Variants in UNC13C observed in about 807,000 individuals in gnomAD.
UNC13C encodes the protein unc-13 homolog C, also known as protein unc-13 homolog C.
A neutral mutation model predicts 245.4 loss-of-function variants in UNC13C; 174 were observed. That is an observed-to-expected ratio of 0.71 (90% CI 0.63 to 0.80). UNC13C has a LOEUF of 0.80. Among genes scored for constraint, UNC13C ranks in the 30% least tolerant of loss-of-function variants. The probability of loss-of-function intolerance (pLI) is 0.00; values close to 1 mark genes in which losing one functional copy is unlikely to be tolerated. For missense variants in UNC13C, 2,829 were observed against 2,602.9 expected (o/e 1.09, Z -1.89); for synonymous variants, 992 against 895.1 (o/e 1.11, Z -1.93).
At chr15:54,100,655 G>T (rs1465500790) in intron 2 of UNC13C, among the ~76,000 whole-genome samples, 3 of 151,808 alleles carry the variant, frequency 2.0e-5, no homozygotes, top group Non-Finnish European at 4.4e-5. Context: ...ACCTACGTGA[G>T]AGGTGTTGCA....
chr15:54,372,265 A>G (rs1023240621), intron 17 of UNC13C, among the ~76,000 whole-genome samples: 3 of 152,098 alleles, frequency 2.0e-5, no homozygotes, highest in Non-Finnish European at 4.4e-5. Flanking sequence ...ATATAGTAAT[A>G]TGTCATATCA....
At chr15:54,473,685 T>C (rs1416102964) in intron 19 of UNC13C, among the ~76,000 whole-genome samples, 1 of 152,014 alleles carries the variant, frequency 6.6e-6, no homozygotes, top group Non-Finnish European at 1.5e-5. Flanking sequence ...TACAGCTCAA[T>C]AGTATTCCAT....
At chr15:53,973,086 C>T in the UNC13C span, among the ~76,000 whole-genome samples, 13 of 152,054 alleles carry the variant, frequency 8.5e-5, no homozygotes, top group Non-Finnish European at 1.8e-4. Flanking sequence ...TGAACACATA[C>T]AGAAAACTGA....
chr15:54,195,347 C>T (rs2034319102), intron 4 of UNC13C, among the ~76,000 whole-genome samples: 1 of 152,138 alleles, frequency 6.6e-6, no homozygotes, highest in Admixed American at 6.6e-5. Flanking sequence ...CAAACACTGC[C>T]ATTCCAAGAC....
intron 17 of UNC13C, among the ~76,000 whole-genome samples, chr15:54,342,857 A>G (rs1243012951): frequency 6.6e-6 from 1 of 152,202 alleles, no homozygotes; most frequent in Admixed American, 6.5e-5. Context: ...GCAAAACAAT[A>G]TATAACCACA....
chr15:54,048,493 C>T (rs982103885), intron 2 of UNC13C: 5 of 602,304 alleles, frequency 8.3e-6, no homozygotes, highest in Admixed American at 1.9e-5. Flanking sequence ...TTTCAGCCTC[C>T]TGTATGTTTC....
chr15:54,232,194 A>G (rs1460555725), intron 4 of UNC13C, among the ~76,000 whole-genome samples: 2 of 152,162 alleles, frequency 1.3e-5, no homozygotes, highest in Non-Finnish European at 2.9e-5. Flanking sequence ...ATAAGGAAAC[A>G]TAACCTGAGA....
intron 19 of UNC13C, among the ~76,000 whole-genome samples, chr15:54,476,710 A>G (rs978514683): frequency 6.6e-6 from 1 of 150,832 alleles, no homozygotes; most frequent in African/African-American, 2.4e-5. Context: ...TGGTTACTGT[A>G]GCCTTGTAGT....
intron 10 of UNC13C, among the ~76,000 whole-genome samples, chr15:54,282,119 C>G (rs1404016062): frequency 6.6e-6 from 1 of 152,024 alleles, no homozygotes; most frequent in Non-Finnish European, 1.5e-5. Flanking sequence ...GTTGCTTGAG[C>G]CCTTAATCTT....
chr15:53,995,092 TA>T (rs1227459159), intron 1 of UNC13C, among the ~76,000 whole-genome samples: 1 of 152,156 alleles, frequency 6.6e-6, no homozygotes, highest in Admixed American at 6.6e-5. Context: ...GGTGACATTA[TA>T]GTTCATGCAT....
intron 30 of UNC13C, among the ~76,000 whole-genome samples, chr15:54,613,810 G>C (rs145155390): frequency 0.039 from 5,923 of 151,756 alleles, 213 homozygotes; most frequent in Admixed American, 0.12. Flanking sequence ...TGTGTATTTG[G>C]CAAATATTTA....
intron 7 of UNC13C, among the ~76,000 whole-genome samples, chr15:54,243,687 C>T (rs2035919929): frequency 6.6e-6 from 1 of 152,144 alleles, no homozygotes; most frequent in Admixed American, 6.5e-5. Context: ...CATGAGAAAG[C>T]ATCTAATTGT....
chr15:54,111,535 A>G (rs1900771654), intron 2 of UNC13C, among the ~76,000 whole-genome samples: 1 of 152,196 alleles, frequency 6.6e-6, no homozygotes, highest in Non-Finnish European at 1.5e-5. Flanking sequence ...CCTCTCTGGG[A>G]AACCACAGGG....
the UNC13C span, among the ~76,000 whole-genome samples, chr15:53,863,775 C>A: frequency 6.6e-6 from 1 of 152,194 alleles, no homozygotes; most frequent in Admixed American, 6.5e-5. Context: ...TGTATCTTCA[C>A]CCTCACTATT....
chr15:54,362,916 T>A (rs1182704539), intron 17 of UNC13C, among the ~76,000 whole-genome samples: 1 of 152,004 alleles, frequency 6.6e-6, no homozygotes, highest in Non-Finnish European at 1.5e-5. Context: ...ATAGGTAAGT[T>A]AAGTGGGAAG....
intron 26 of UNC13C, among the ~76,000 whole-genome samples, chr15:54,537,301 G>T (rs1477659040): frequency 1.3e-5 from 2 of 151,902 alleles, no homozygotes; most frequent in East Asian, 1.9e-4. Flanking sequence ...TCTAGAACAA[G>T]AATTACAAAA....
chr15:54,320,677 A>C, intron 13 of UNC13C: 1 of 331,642 alleles, frequency 3.0e-6, no homozygotes, highest in South Asian at 2.7e-5. Context: ...CTTCCTTGTC[A>C]CTTCTCTGGC....
At chr15:54,266,329 G>C (rs1364286800) in intron 10 of UNC13C, among the ~76,000 whole-genome samples, 2 of 151,994 alleles carry the variant, frequency 1.3e-5, no homozygotes, top group Non-Finnish European at 2.9e-5. Flanking sequence ...ATAACAGAGG[G>C]TACTGTAGAA....
chr15:54,139,179 C>G (rs1478466625), intron 2 of UNC13C, among the ~76,000 whole-genome samples: 1 of 151,616 alleles, frequency 6.6e-6, no homozygotes, highest in African/African-American at 2.4e-5. Flanking sequence ...AGGCTGGTCT[C>G]AGACTCCTGA....
Sources: allele counts gnomAD v4.1 joint callset (sites outside exome capture counted in the v4.1 genomes callset), GRCh38; gene constraint gnomAD v4.1.1; transcripts MANE v1.5; gene names NCBI Gene and HGNC (gene_info 2026-07-23, HGNC 2026-07-21).